Variants in NUBPL observed in about 807,000 individuals in gnomAD.
NUBPL encodes NUBP iron-sulfur cluster assembly factor, mitochondrial, also known as iron-sulfur cluster transfer protein NUBPL.
In NUBPL, 31 loss-of-function variants were observed where a neutral mutation model predicts 45.7. The observed-to-expected ratio is 0.68, with a 90% CI of 0.51 to 0.92. The LOEUF is 0.92. NUBPL is among the 40% of genes least tolerant of loss of function. The probability of loss-of-function intolerance (pLI) is 0.00; values close to 1 mark genes in which losing one functional copy is unlikely to be tolerated. For missense variants in NUBPL, 401 were observed against 398.7 expected, an observed-to-expected ratio of 1.01 and a Z score of -0.05; for synonymous variants, 144 against 140.9, an observed-to-expected ratio of 1.02 and a Z score of -0.15.
At chr14:31,574,586 T>C (rs2033672423) in intron 3 of NUBPL, among the ~76,000 whole-genome samples, 2 of 132,868 alleles carry the variant, frequency 1.5e-5, no homozygotes, top group African/African-American at 5.7e-5. Context: ...TTCCTTCTTT[T>C]TTTTTTTTTT....
chr14:31,817,731 A>G (rs1353119708), intron 7 of NUBPL, among the ~76,000 whole-genome samples: 1 of 152,220 alleles, frequency 6.6e-6, no homozygotes, highest in African/African-American at 2.4e-5. Flanking sequence ...GACCATTGAC[A>G]CTATGAAGAA....
intron 7 of NUBPL, among the ~76,000 whole-genome samples, chr14:31,798,487 A>G (rs949628073): frequency 2.0e-5 from 3 of 151,876 alleles, no homozygotes; most frequent in Non-Finnish European, 4.4e-5. Context: ...ATTGTAATAC[A>G]GTAATTAGAA....
At chr14:31,781,020 T>G (rs1028360249) in intron 6 of NUBPL, among the ~76,000 whole-genome samples, 13 of 152,220 alleles carry the variant, frequency 8.5e-5, no homozygotes, top group African/African-American at 3.1e-4. Context: ...AGATGCACCC[T>G]TTGAGGCTCT....
intron 8 of NUBPL, chr14:31,846,092 T>G: frequency 3.4e-6 from 1 of 292,150 alleles, no homozygotes; most frequent in Non-Finnish European, 6.6e-6. Context: ...GCCACACAGT[T>G]TTATTTTGCT....
chr14:31,610,608 C>CAAAAAAAAAAAAAAA (rs775656176), intron 4 of NUBPL, among the ~76,000 whole-genome samples: 43 of 94,630 alleles, frequency 4.5e-4, no homozygotes, highest in East Asian at 6.3e-4. Context: ...AAAGATACAT[C>CAAAAAAAAAAAAAAA]AAAAAAAAAA....
At chr14:31,725,217 A>C (rs971457131) in intron 6 of NUBPL, among the ~76,000 whole-genome samples, 3 of 152,092 alleles carry the variant, frequency 2.0e-5, no homozygotes, top group Non-Finnish European at 4.4e-5. Flanking sequence ...AATTAAGAGT[A>C]CTCAAACAAC....
At chr14:31,570,709 C>A (rs770165860) in intron 3 of NUBPL, among the ~76,000 whole-genome samples, 19 of 152,150 alleles carry the variant, frequency 1.2e-4, no homozygotes, top group Admixed American at 9.8e-4. Context: ...TTAATTAAGG[C>A]ACGTGCTACT....
At chr14:31,714,490 GGT>G (rs1416303220) in intron 6 of NUBPL, 3 of 162,742 alleles carry the variant, frequency 1.8e-5, no homozygotes, top group African/African-American at 7.2e-5. Flanking sequence ...TTACAATCGT[GGT>G]GGAAGGCAAA....
At chr14:31,835,210 G>T (rs1015861328) in intron 8 of NUBPL, among the ~76,000 whole-genome samples, 1 of 152,172 alleles carries the variant, frequency 6.6e-6, no homozygotes. Context: ...GCTCAAATCA[G>T]GCCTGCCCTG....
At chr14:31,605,843 C>CCTCCTCCTTGT (rs907845180) in intron 4 of NUBPL, among the ~76,000 whole-genome samples, 1 of 147,578 alleles carries the variant, frequency 6.8e-6, no homozygotes, top group African/African-American at 2.5e-5. Flanking sequence ...CTCCTTTCTT[C>CCTCCTCCTTGT]CTCCTCCCTT....
chr14:31,793,377 C>T (rs1237086479), intron 7 of NUBPL, among the ~76,000 whole-genome samples: 1 of 152,178 alleles, frequency 6.6e-6, no homozygotes, highest in African/African-American at 2.4e-5. Context: ...TGTCTACTCC[C>T]CGCCATCTTC....
At chr14:31,691,016 GCAAA>G (rs2037079975) in intron 6 of NUBPL, among the ~76,000 whole-genome samples, 2 of 152,238 alleles carry the variant, frequency 1.3e-5, no homozygotes, top group East Asian at 1.9e-4. Context: ...TGAAACTAAA[GCAAA>G]CAGAGGAAGA....
intron 3 of NUBPL, among the ~76,000 whole-genome samples, chr14:31,594,013 G>A (rs983517557): frequency 1.6e-4 from 25 of 152,104 alleles, no homozygotes; most frequent in African/African-American, 6.0e-4. Flanking sequence ...TGGGATCCTA[G>A]GCCCAGGAAT....
At position 31,595,979 on chromosome 14, in the gene NUBPL, C is replaced by T. The variant is rs368422592; in HGVS notation, c.292-3310C>T. The stretch of plus-strand genomic sequence containing the variant: ...TGGAGTGCAGTGGCGCAATCTTGGC[C>T]CACTGCAAGCTCCACCTCCTGGGTT... On this transcript the variant is annotated intron_variant, in intron 3 of 10. Transcript: ENST00000281081. Among the ~76,000 whole-genome samples, 226 of 151,156 alleles carry T rather than the reference C, an allele frequency of 1.5e-3. 2 individuals carry two copies. The East Asian group carries it at 0.036, about 24-fold the overall frequency.
At chr14:31,704,079 A>G (rs1018914966) in intron 6 of NUBPL, among the ~76,000 whole-genome samples, 5 of 152,140 alleles carry the variant, frequency 3.3e-5, no homozygotes, top group African/African-American at 1.2e-4. Context: ...TTGAGGAAAA[A>G]TGGATGAAGA....
intron 3 of NUBPL, among the ~76,000 whole-genome samples, chr14:31,591,034 G>A (rs1053403182): frequency 1.3e-5 from 2 of 152,016 alleles, no homozygotes; most frequent in African/African-American, 4.8e-5. Context: ...CTCCAGTTCC[G>A]GAAAGAAAAA....
chr14:31,758,278 C>G (rs1288673153), intron 6 of NUBPL, among the ~76,000 whole-genome samples: 1 of 152,100 alleles, frequency 6.6e-6, no homozygotes, highest in African/African-American at 2.4e-5. Context: ...GTTCATAAAG[C>G]TGTTTAATTA....
Position 31,729,726 on chromosome 14 carries a change from T to A in NUBPL, c.513+56152T>A, listed in dbSNP as rs879867111. The stretch of plus-strand genomic sequence containing the variant: ...AGTTGGTGTAAAAGTAATTGAAGTT[T>A]TTGCCATTTTTTTAAAATGGCAAAA... On this transcript the variant is annotated intron_variant, in intron 6 of 10. Coordinates refer to ENST00000281081, the MANE Select transcript of NUBPL (RefSeq NM_025152.3). Among the ~76,000 whole-genome samples, 101 of 152,306 alleles carry A rather than the reference T, an allele frequency of 6.6e-4. 1 individual carries two copies. The highest frequency in any genetic ancestry group is 2.1e-3 in the African/African-American group (88 of 41,586).
intron 6 of NUBPL, among the ~76,000 whole-genome samples, chr14:31,704,146 T>C (rs984241559): frequency 1.3e-5 from 2 of 152,142 alleles, no homozygotes; most frequent in Admixed American, 6.5e-5. Context: ...TCTGTGAGTA[T>C]TGGCCTCTTG....
Sources: gnomAD v4.1 joint callset for allele counts (sites outside exome capture counted in the v4.1 genomes callset) on GRCh38, gnomAD v4.1.1 for gene constraint, MANE v1.5 for transcripts, NCBI Gene and HGNC (gene_info 2026-07-23, HGNC 2026-07-21) for gene names.